Variants in SGIP1 observed in about 807,000 individuals in gnomAD.
SGIP1 encodes the protein SH3GL interacting endocytic adaptor 1, also known as SH3-containing GRB2-like protein 3-interacting protein 1.
A neutral mutation model predicts 107.5 loss-of-function variants in SGIP1; 38 were observed. That is an observed-to-expected ratio of 0.35 (90% CI 0.27 to 0.46). The LOEUF is 0.46. SGIP1 is among the 20% of genes least tolerant of loss of function. The probability of loss-of-function intolerance (pLI) is 1.00; values close to 1 mark genes in which losing one functional copy is unlikely to be tolerated. For missense variants in SGIP1, 929 were observed against 1,019.5 expected (o/e 0.91, Z 1.21); for synonymous variants, 365 against 366.1 (o/e 1.00, Z 0.03).
At chr1:66,565,576 T>A (rs2059531241) in intron 1 of SGIP1, among the ~76,000 whole-genome samples, 1 of 151,630 alleles carries the variant, frequency 6.6e-6, no homozygotes, top group Non-Finnish European at 1.5e-5. Context: ...GTGAGAGAGG[T>A]ATGAGCAGAA....
Position 66,748,768 on chromosome 1 carries a change from G to A in SGIP1, c.*5673G>A, listed in dbSNP as rs1394407736. Among the ~76,000 whole-genome samples, 1 of 151,972 alleles carries A rather than the reference G, an allele frequency of 6.6e-6. No individual in the cohort carries two copies. Among genetic ancestry groups the A allele is most frequent in the Non-Finnish European group, 1.5e-5 (1 of 67,866 alleles). On this transcript the variant is annotated 3_prime_UTR_variant, in exon 25 of 25. Coordinates refer to ENST00000371037, the MANE Select transcript of SGIP1 (RefSeq NM_032291.4). ...CCAATATTCCAGTATTTTACAAATT[G>A]TGTTCTGGAAGATGTTCATTGTGGT...
At position 66,650,741 on chromosome 1, in the gene SGIP1, T is replaced by A. The variant is rs550657108; in HGVS notation, c.459+7022T>A. On this transcript the variant is annotated intron_variant, in intron 7 of 24. Transcript: ENST00000371037. ...GCTTTTGTGGGAGTGAGAAGACAAA[T>A]GCTATGGTTTAATCTTTGATGTGAT... 5.9e-5 allele frequency among the ~76,000 whole-genome samples: 9 copies of A among 152,236 alleles called. No individual in the cohort carries two copies. In the East Asian group the frequency reaches 1.7e-3, roughly 29 times the overall value.
chr1:66,696,367 T>C (rs2090922632), intron 18 of SGIP1, among the ~76,000 whole-genome samples: 1 of 152,220 alleles, frequency 6.6e-6, no homozygotes, highest in South Asian at 2.1e-4. Context: ...TTTAAATAGC[T>C]ACATTTATCC....
chr1:66,672,876 CA>C (rs931134618), intron 11 of SGIP1, among the ~76,000 whole-genome samples: 30 of 152,098 alleles, frequency 2.0e-4, no homozygotes, highest in Admixed American at 5.9e-4. Flanking sequence ...GCATTAACTA[CA>C]ACAAAGAGAT....
chr1:66,552,277 A>C lies in SGIP1; in HGVS notation c.10+17909A>C, dbSNP rs147405615. Among the ~76,000 whole-genome samples, 451 of 152,246 alleles carry C rather than the reference A, an allele frequency of 3.0e-3. 3 individuals are homozygous for C. The highest frequency in any genetic ancestry group is 0.01 in the African/African-American group (434 of 41,558). ...CTTGGACATGCCCACTTTGTTGGCT[A>C]TTGGCTATGTATCTGAAAGAGTCTT... On this transcript the variant is annotated intron_variant, in intron 1 of 24. Coordinates refer to ENST00000371037, the MANE Select transcript of SGIP1 (RefSeq NM_032291.4).
Position 66,747,677 on chromosome 1 carries a change from AAG to A in SGIP1, c.*4585_*4586del, listed in dbSNP as rs2094571590. On this transcript the variant is annotated 3_prime_UTR_variant, in exon 25 of 25. Coordinates refer to ENST00000371037, the MANE Select transcript of SGIP1 (RefSeq NM_032291.4). ...CAAACATGTGGTAGCCTCATTCTAA[AAG>A]AGTTGCACGAATATTTTTTCTCAAA... The A allele has an allele frequency of 6.6e-6, 1 of 152,008 alleles. No homozygotes were observed. The highest frequency in any genetic ancestry group is 1.5e-5 in the Non-Finnish European group (1 of 67,870). 9.4% of individuals were successfully genotyped at this position (152,008 alleles called of 1,614,324 possible). A position where few individuals can be genotyped will look rare whatever the true frequency, so the allele number is the denominator to read the frequency against.
chr1:66,671,683 CT>C (rs2083845514), intron 10 of SGIP1, among the ~76,000 whole-genome samples: 1 of 152,182 alleles, frequency 6.6e-6, no homozygotes, highest in Admixed American at 6.5e-5. Flanking sequence ...AAGTGCTGCA[CT>C]ATACAAATCT....
intron 12 of SGIP1, among the ~76,000 whole-genome samples, chr1:66,676,766 T>C (rs1275657335): frequency 6.6e-6 from 1 of 151,950 alleles, no homozygotes; most frequent in Non-Finnish European, 1.5e-5. Context: ...GCTCTGAAAG[T>C]TTTTATGTAG....
chr1:66,576,577 C>T (rs1419387967), intron 1 of SGIP1, among the ~76,000 whole-genome samples: 4 of 152,172 alleles, frequency 2.6e-5, no homozygotes, highest in African/African-American at 9.7e-5. Flanking sequence ...TTCTTATTAC[C>T]TCAACCTTTA....
intron 19 of SGIP1, among the ~76,000 whole-genome samples, chr1:66,725,459 C>T (rs1443115621): frequency 6.6e-6 from 1 of 152,186 alleles, no homozygotes; most frequent in Non-Finnish European, 1.5e-5. Context: ...CCAGAAAGTA[C>T]ATACCTGAAC....
intron 1 of SGIP1, among the ~76,000 whole-genome samples, chr1:66,620,583 C>G (rs2070784759): frequency 6.6e-6 from 1 of 152,044 alleles, no homozygotes; most frequent in African/African-American, 2.4e-5. Context: ...AGATGTGCCA[C>G]ACTTAAAGCA....
chr1:66,643,652 A>C lies in SGIP1; in HGVS notation c.392A>C (p.Lys131Thr). 6.2e-7 allele frequency: 1 copy of C among 1,611,660 alleles called. No homozygotes were observed. Among genetic ancestry groups the C allele is most frequent in the Non-Finnish European group, 8.5e-7 (1 of 1,179,306 alleles). ...IKPLQSKDIL[K>T]NAATVDELKA... is the part of the protein sequence containing the mutation. ...CCATTGCAATCTAAAGACATTCTTAAGAATGCTGCAACTGTAGATGAATTG... is the reference window on the plus strand; with the variant it reads ...CCATTGCAATCTAAAGACATTCTTACGAATGCTGCAACTGTAGATGAATTG... The change falls in exon 7 of 25, where the codon AAG becomes ACG. Residue 131 changes from lysine to threonine, a missense_variant. Lys to Thr is a moderately conservative substitution (Grantham distance 78). Coordinates refer to ENST00000371037, the MANE Select transcript of SGIP1 (RefSeq NM_032291.4).
chr1:66,608,061 G>A (rs2067197419), intron 1 of SGIP1, among the ~76,000 whole-genome samples: 1 of 152,136 alleles, frequency 6.6e-6, no homozygotes, highest in Admixed American at 6.5e-5. Context: ...GTGAAAATGG[G>A]GCAAGAATAC....
intron 1 of SGIP1, among the ~76,000 whole-genome samples, chr1:66,602,313 C>T (rs997463572): frequency 3.3e-5 from 5 of 152,116 alleles, no homozygotes; most frequent in Non-Finnish European, 7.4e-5. Context: ...GGAGCAGTTG[C>T]CTTAGAATCG....
intron 15 of SGIP1, among the ~76,000 whole-genome samples, chr1:66,688,633 A>G (rs1421679842): frequency 2.0e-5 from 3 of 152,254 alleles, no homozygotes; most frequent in Admixed American, 2.0e-4. Flanking sequence ...GTTTGGGTAC[A>G]TTGATAAAGT....
chr1:66,597,493 G>A (rs562376882), intron 1 of SGIP1, among the ~76,000 whole-genome samples: 57 of 152,316 alleles, frequency 3.7e-4, no homozygotes, highest in Middle Eastern at 3.4e-3. Flanking sequence ...GGTAGGGGGA[G>A]TATTCTGCAG....
intron 19 of SGIP1, among the ~76,000 whole-genome samples, chr1:66,726,884 C>T (rs1557770008): frequency 6.6e-6 from 1 of 151,552 alleles, no homozygotes; most frequent in Non-Finnish European, 1.5e-5. Context: ...GGCAGGAGGA[C>T]TGCTTGAGGC....
intron 1 of SGIP1, among the ~76,000 whole-genome samples, chr1:66,598,202 A>G (rs1209468953): frequency 6.6e-6 from 1 of 152,190 alleles, no homozygotes; most frequent in African/African-American, 2.4e-5. Flanking sequence ...GGGTGATTTT[A>G]ATTTATTTTC....
At chr1:66,658,301 G>T (rs980602291) in intron 7 of SGIP1, among the ~76,000 whole-genome samples, 1 of 151,806 alleles carries the variant, frequency 6.6e-6, no homozygotes, top group East Asian at 1.9e-4. Flanking sequence ...TTCTGCCCTG[G>T]AGATCTGAAC....
Sources: gnomAD v4.1 joint callset for allele counts (sites outside exome capture counted in the v4.1 genomes callset) on GRCh38, gnomAD v4.1.1 for gene constraint, MANE v1.5 for transcripts, NCBI Gene and HGNC (gene_info 2026-07-23, HGNC 2026-07-21) for gene names.